The following WWOX variants were observed in gnomAD, a reference collection of about 807,000 sequenced individuals.
WWOX encodes WW domain-containing oxidoreductase.
Under a neutral mutation model 46.2 loss-of-function variants are expected in WWOX, and 69 were observed. The ratio of observed to expected loss-of-function variants is 1.49; its 90% CI spans 1.23 to 1.82. The LOEUF is 1.82. Among genes scored for constraint, WWOX ranks in the 40% most tolerant of loss-of-function variants. The pLI is 0.00. For synonymous variants in WWOX, 359 were observed against 202.6 expected, an observed-to-expected ratio of 1.77 and a Z score of -6.56; for missense variants, 919 against 542.6, an observed-to-expected ratio of 1.69 and a Z score of -6.89.
intron 5 of WWOX, among the ~76,000 whole-genome samples, chr16:78,376,554 G>C (rs1196803573): frequency 6.6e-6 from 1 of 152,058 alleles, no homozygotes; most frequent in Non-Finnish European, 1.5e-5. Flanking sequence ...TGACCACTTG[G>C]GGTGAACCGA....
At chr16:78,505,207 G>A (rs1207758892) in intron 8 of WWOX, among the ~76,000 whole-genome samples, 1 of 152,174 alleles carries the variant, frequency 6.6e-6, no homozygotes, top group Non-Finnish European at 1.5e-5. Context: ...CATCCCAAAT[G>A]AATTCTAATC....
At chr16:79,112,299 G>A (rs151217100) in intron 8 of WWOX, among the ~76,000 whole-genome samples, 2 of 152,264 alleles carry the variant, frequency 1.3e-5, no homozygotes, top group Non-Finnish European at 2.9e-5. Flanking sequence ...AGTACATGAG[G>A]CACTCAGATG....
chr16:78,937,038 C>T (rs2151288264), intron 8 of WWOX, among the ~76,000 whole-genome samples: 1 of 152,224 alleles, frequency 6.6e-6, no homozygotes, highest in South Asian at 2.1e-4. Context: ...AAACCTGGTC[C>T]TGGAAAATTA....
At chr16:78,291,047 G>A (rs547450120) in intron 5 of WWOX, among the ~76,000 whole-genome samples, 26 of 152,202 alleles carry the variant, frequency 1.7e-4, no homozygotes, top group Admixed American at 9.8e-4. Context: ...TTAGGATGCC[G>A]TGGCTGCCAA....
intron 5 of WWOX, among the ~76,000 whole-genome samples, chr16:78,362,692 C>T (rs529698086): frequency 5.3e-5 from 8 of 152,068 alleles, no homozygotes; most frequent in East Asian, 1.9e-4. Context: ...TAGGACTGGA[C>T]GGGGCTTGGA....
chr16:78,566,473 C>T (rs1180226990), intron 8 of WWOX, among the ~76,000 whole-genome samples: 4 of 152,184 alleles, frequency 2.6e-5, no homozygotes, highest in Admixed American at 2.0e-4. Context: ...GTGGCTTCTC[C>T]TCCCTGATTG....
chr16:78,870,153 A>G (rs1358610709), intron 8 of WWOX, among the ~76,000 whole-genome samples: 1 of 152,154 alleles, frequency 6.6e-6, no homozygotes, highest in Non-Finnish European at 1.5e-5. Flanking sequence ...GGAAGGGGGA[A>G]ATTGCTTTCC....
chr16:78,579,185 T>C (rs2044983190), intron 8 of WWOX, among the ~76,000 whole-genome samples: 1 of 152,152 alleles, frequency 6.6e-6, no homozygotes, highest in African/African-American at 2.4e-5. Flanking sequence ...AAGTCCCTAT[T>C]TGTGGGTGTT....
intron 6 of WWOX, among the ~76,000 whole-genome samples, chr16:78,406,889 G>A (rs967020390): frequency 1.3e-5 from 2 of 152,198 alleles, no homozygotes; most frequent in Admixed American, 1.3e-4. Flanking sequence ...GCCTCCCAAA[G>A]TGCTGGGATT....
chr16:79,074,408 C>CTT (rs1186773193), intron 8 of WWOX, among the ~76,000 whole-genome samples: 1 of 63,570 alleles, frequency 1.6e-5, no homozygotes, highest in Non-Finnish European at 3.0e-5. Context: ...TGTCACTAGT[C>CTT]CTTTTTTTTT....
At chr16:79,135,968 GCTGA>G (rs919930598) in intron 8 of WWOX, among the ~76,000 whole-genome samples, 97 of 152,182 alleles carry the variant, frequency 6.4e-4, no homozygotes, top group African/African-American at 2.3e-3. Context: ...CCTTCGAATG[GCTGA>G]CTATTGTAAA....
intron 8 of WWOX, among the ~76,000 whole-genome samples, chr16:78,689,010 C>T (rs188855993): frequency 1.3e-5 from 2 of 152,292 alleles, no homozygotes; most frequent in Admixed American, 1.3e-4. Flanking sequence ...TTCCTGAGAC[C>T]TCCACAGCCA....
At position 78,536,719 on chromosome 16, in the gene WWOX, G is replaced by C. The variant is rs114876499; in HGVS notation, c.1056+103967G>C. Among the ~76,000 whole-genome samples, 207 of 152,112 alleles carry C rather than the reference G, an allele frequency of 1.4e-3. 1 individual carries two copies. The highest frequency in any genetic ancestry group is 4.8e-3 in the African/African-American group (199 of 41,514). On this transcript the variant is annotated intron_variant, in intron 8 of 8. Coordinates refer to ENST00000566780, the MANE Select transcript of WWOX (RefSeq NM_016373.4). ...TGATGCTGATCATGACTATGAAAAG[G>C]GAAAATGGAGGAGAATGATGACGAA...
At chr16:78,701,928 T>G (rs544015651) in intron 8 of WWOX, among the ~76,000 whole-genome samples, 1 of 148,372 alleles carries the variant, frequency 6.7e-6, no homozygotes, top group Non-Finnish European at 1.5e-5. Flanking sequence ...CTCATACCTG[T>G]AATCCCAGAA....
At chr16:78,204,909 G>T (rs2036344546) in intron 5 of WWOX, among the ~76,000 whole-genome samples, 1 of 152,206 alleles carries the variant, frequency 6.6e-6, no homozygotes, top group African/African-American at 2.4e-5. Context: ...TAAGATCAGA[G>T]AATAGAGAAT....
intron 8 of WWOX, among the ~76,000 whole-genome samples, chr16:79,023,961 A>AAAC (rs1222461362): frequency 2.6e-5 from 4 of 151,622 alleles, no homozygotes; most frequent in African/African-American, 9.7e-5. Context: ...CTCAAAAAAC[A>AAAC]AACAAAAAAA....
intron 8 of WWOX, chr16:78,896,142 A>G (rs2044695262): frequency 1.3e-5 from 2 of 152,214 alleles, no homozygotes; most frequent in South Asian, 4.1e-4. Context: ...TAAAAGAAGG[A>G]AATAGAAATA....
At chr16:78,778,780 C>G (rs34511718) in intron 8 of WWOX, among the ~76,000 whole-genome samples, 2 of 152,200 alleles carry the variant, frequency 1.3e-5, no homozygotes, top group Admixed American at 6.5e-5. Flanking sequence ...GTCCCCAACC[C>G]TGAGCCATTT....
intron 8 of WWOX, among the ~76,000 whole-genome samples, chr16:78,987,999 G>C (rs938107920): frequency 4.0e-5 from 6 of 151,848 alleles, no homozygotes; most frequent in Non-Finnish European, 8.8e-5. Context: ...AATAACAAAG[G>C]GGCTATTTTA....
Sources: allele counts gnomAD v4.1 joint callset (sites outside exome capture counted in the v4.1 genomes callset), GRCh38; gene constraint gnomAD v4.1.1; transcripts MANE v1.5; gene names NCBI Gene and HGNC (gene_info 2026-07-23, HGNC 2026-07-21).